Variants in TPD52L1 observed in about 807,000 individuals in gnomAD.
TPD52L1 encodes TPD52 like 1.
Under a neutral mutation model 28.7 loss-of-function variants are expected in TPD52L1, and 18 were observed. The ratio of observed to expected loss-of-function variants is 0.63; its 90% CI spans 0.43 to 0.93. The LOEUF is 0.93. Ranked by LOEUF, TPD52L1 falls within the 40% of genes least tolerant of loss-of-function variation. The pLI, the probability that TPD52L1 is intolerant of heterozygous loss-of-function variation, is 0.00. For synonymous variants in TPD52L1, 75 were observed against 88.8 expected, an observed-to-expected ratio of 0.84 and a Z score of 0.88; for missense variants, 203 against 254.8, an observed-to-expected ratio of 0.80 and a Z score of 1.39.
At chr6:125,155,553 A>G (rs1445718293) in intron 1 of TPD52L1, among the ~76,000 whole-genome samples, 1 of 152,236 alleles carries the variant, frequency 6.6e-6, no homozygotes, top group Non-Finnish European at 1.5e-5. Flanking sequence ...TCCTTTGCCA[A>G]GCACTGTGCT....
chr6:125,164,665 G>A (rs572096708), intron 1 of TPD52L1, among the ~76,000 whole-genome samples: 5 of 151,916 alleles, frequency 3.3e-5, no homozygotes, highest in East Asian at 1.9e-4. Flanking sequence ...TTGTTTACAC[G>A]AATATGTTTT....
rs1415567083 is a variant in TPD52L1 at position 125,172,161 on chromosome 6, C to CTTT, written c.19+18192_19+18194dup. On this transcript the variant is annotated intron_variant, in intron 1 of 6. Coordinates refer to ENST00000534000, the MANE Select transcript of TPD52L1 (RefSeq NM_003287.4). The stretch of plus-strand genomic sequence containing the variant: ...CTTTCTTTCTTTCTTTCTTTCTTTT[C>CTTT]TTTCTTTCTTTCTTTCTTTCTTTCT... 7.9e-5 allele frequency among the ~76,000 whole-genome samples: 4 copies of CTTT among 50,622 alleles called. No individual in the cohort carries two copies. In the Admixed American group the frequency reaches 8.5e-4, roughly 11 times the overall value. The allele number at this position is 50,622 out of a possible 152,430, so 33.2% of individuals were successfully genotyped here.
rs1355899885 is a variant in TPD52L1 at position 125,262,935 on chromosome 6, G to C, written c.588G>C (p.Arg196=). ...AGAGCTTGGCAGGAGGCTCCCGGCGGACCAAGGAGGAGGAGCTGCAGTGCT... is the reference window on the plus strand; with the variant it reads ...AGAGCTTGGCAGGAGGCTCCCGGCGCACCAAGGAGGAGGAGCTGCAGTGCT... The part of the protein sequence containing the change: ...SAQSLAGGSR[R]TKEEELQC Residue 196 remains arginine (R), a synonymous_variant, in exon 7 of 7, where the codon CGG becomes CGC. Coordinates refer to ENST00000534000, the MANE Select transcript of TPD52L1 (RefSeq NM_003287.4). 1 of 1,614,056 alleles carries C rather than the reference G, an allele frequency of 6.2e-7. No homozygotes were observed. The highest frequency in any genetic ancestry group is 8.5e-7 in the Non-Finnish European group (1 of 1,179,970).
chr6:125,195,400 A>T (rs1036490463), intron 1 of TPD52L1, among the ~76,000 whole-genome samples: 8 of 152,312 alleles, frequency 5.3e-5, no homozygotes, highest in Admixed American at 3.3e-4. Context: ...AACAGGTTTT[A>T]AATCATATTT....
Position 125,172,136 on chromosome 6 carries a change from CT to C in TPD52L1, c.19+18169del, listed in dbSNP as rs773315305. 2.2e-4 allele frequency among the ~76,000 whole-genome samples: 13 copies of C among 58,604 alleles called. 1 individual carries two copies. Among genetic ancestry groups the C allele is most frequent in the African/African-American group, 1.3e-3 (12 of 9,570 alleles). The allele number at this position is 58,604 out of a possible 152,430, so 38.4% of individuals were successfully genotyped here. A position where few individuals can be genotyped will look rare whatever the true frequency, so the allele number is the denominator to read the frequency against. ...TCTTTCTTTCTTTCTTTCTTTCTTTCTTTCTTTCTTTCTTTCTTTCTTTTCT... is the reference window on the plus strand; with the variant it reads ...TCTTTCTTTCTTTCTTTCTTTCTTTCTTCTTTCTTTCTTTCTTTCTTTTCT... On this transcript the variant is annotated intron_variant, in intron 1 of 6. Transcript: ENST00000534000.
Position 125,158,399 on chromosome 6 carries a change from C to T in TPD52L1, c.19+4429C>T, listed in dbSNP as rs1006362479. On this transcript the variant is annotated intron_variant, in intron 1 of 6. Transcript: ENST00000534000. ...ACTTTATACTTACATTATAAGTATACATTCTACATTATACATTATACTTTA... is the reference window on the plus strand; with the variant it reads ...ACTTTATACTTACATTATAAGTATATATTCTACATTATACATTATACTTTA... Among the ~76,000 whole-genome samples, 125 of 43,204 alleles carry T rather than the reference C, an allele frequency of 2.9e-3. 1 individual carries two copies. Among genetic ancestry groups the T allele is most frequent in the South Asian group, 6.7e-4 (1 of 1,482 alleles). The allele number at this position is 43,204 out of a possible 152,430, so 28.3% of individuals were successfully genotyped here.
intron 1 of TPD52L1, among the ~76,000 whole-genome samples, chr6:125,199,752 G>A (rs1362052086): frequency 2.6e-5 from 4 of 152,220 alleles, no homozygotes; most frequent in Non-Finnish European, 4.4e-5. Context: ...CAAATTAAAT[G>A]TGCTAGAATT....
Position 125,188,804 on chromosome 6 carries a change from G to T in TPD52L1, c.20-31274G>T, listed in dbSNP as rs529433598. Among the ~76,000 whole-genome samples, 84 of 152,338 alleles carry T rather than the reference G, an allele frequency of 5.5e-4. 1 individual carries two copies. Among genetic ancestry groups the T allele is most frequent in the African/African-American group, 2.0e-3 (83 of 41,582 alleles). On this transcript the variant is annotated intron_variant, in intron 1 of 6. Coordinates refer to ENST00000534000, the MANE Select transcript of TPD52L1 (RefSeq NM_003287.4). ...CATGCATGGCATTCCATGGTCAGAA[G>T]ATTTTCACTGGACTGGAGAGACAGT...
At chr6:125,218,345 T>C (rs1795016079) in intron 1 of TPD52L1, among the ~76,000 whole-genome samples, 1 of 152,214 alleles carries the variant, frequency 6.6e-6, no homozygotes, top group African/African-American at 2.4e-5. Flanking sequence ...GTCAAGCATG[T>C]TTGCTTCAGT....
intron 1 of TPD52L1, among the ~76,000 whole-genome samples, chr6:125,216,516 T>A (rs1794885280): frequency 2.5e-5 from 3 of 118,880 alleles, no homozygotes; most frequent in Admixed American, 9.9e-5. Context: ...AACAGTAAAT[T>A]CAGTATGTGT....
chr6:125,181,442 A>G (rs1792191908), intron 1 of TPD52L1, among the ~76,000 whole-genome samples: 1 of 152,206 alleles, frequency 6.6e-6, no homozygotes, highest in Non-Finnish European at 1.5e-5. Context: ...ATTATTATGT[A>G]TATGCTGTCC....
intron 3 of TPD52L1, among the ~76,000 whole-genome samples, chr6:125,247,113 G>C (rs1796965180): frequency 6.6e-6 from 1 of 152,142 alleles, no homozygotes; most frequent in East Asian, 2.0e-4. Context: ...ACTTGTGGGA[G>C]ATGGAAGGGG....
chr6:125,204,633 T>TAC, intron 1 of TPD52L1, among the ~76,000 whole-genome samples: 8 of 152,036 alleles, frequency 5.3e-5, no homozygotes, highest in African/African-American at 1.7e-4. Context: ...GCGCCCGCCG[T>TAC]CACGCCCGGG....
At chr6:125,155,100 C>T (rs473458) in intron 1 of TPD52L1, among the ~76,000 whole-genome samples, 70,727 of 152,066 alleles carry the variant, frequency 0.47, 17,160 homozygotes, top group African/African-American at 0.61. Context: ...GTTCCATCCT[C>T]CTAAGTCCTG....
At chr6:125,217,525 T>C (rs1262542712) in intron 1 of TPD52L1, among the ~76,000 whole-genome samples, 2 of 152,112 alleles carry the variant, frequency 1.3e-5, no homozygotes, top group African/African-American at 4.8e-5. Context: ...GCTACTGACC[T>C]GATGGGAGGC....
chr6:125,246,553 C>A (rs1369764818), intron 3 of TPD52L1, among the ~76,000 whole-genome samples: 2 of 152,102 alleles, frequency 1.3e-5, no homozygotes, highest in Non-Finnish European at 2.9e-5. Context: ...GCCTGAAATT[C>A]CATGGTTTCA....
intron 3 of TPD52L1, among the ~76,000 whole-genome samples, chr6:125,230,563 T>C (rs1211646455): frequency 6.6e-6 from 1 of 152,118 alleles, no homozygotes; most frequent in Non-Finnish European, 1.5e-5. Context: ...TTGACAGCAA[T>C]TATTTCAGTT....
intron 1 of TPD52L1, among the ~76,000 whole-genome samples, chr6:125,171,328 C>T (rs1010343895): frequency 6.6e-6 from 1 of 152,068 alleles, no homozygotes; most frequent in African/African-American, 2.4e-5. Context: ...GCAGACAGAC[C>T]CTAAGGTGAC....
intron 2 of TPD52L1, among the ~76,000 whole-genome samples, chr6:125,227,531 T>TA (rs1198538907): frequency 2.6e-5 from 4 of 152,138 alleles, no homozygotes; most frequent in African/African-American, 4.8e-5. Context: ...TGCTCCTTTT[T>TA]AAAAAAAATT....
Sources: allele counts gnomAD v4.1 joint callset (sites outside exome capture counted in the v4.1 genomes callset), GRCh38; gene constraint gnomAD v4.1.1; transcripts MANE v1.5; gene names NCBI Gene and HGNC (gene_info 2026-07-23, HGNC 2026-07-21).